Variants in LSM14B observed in about 807,000 individuals in gnomAD.
LSM14B encodes LSM family member 14B.
A neutral mutation model predicts 42.1 loss-of-function variants in LSM14B; 8 were observed. The observed-to-expected ratio is 0.19, with a 90% CI of 0.11 to 0.34. The LOEUF (loss-of-function observed/expected upper bound fraction) is 0.34, where lower values mean the gene tolerates loss of function less well. Among genes scored for constraint, LSM14B ranks in the 10% least tolerant of loss-of-function variants. The pLI is 1.00. For synonymous variants in LSM14B, 219 were observed against 209.7 expected, an observed-to-expected ratio of 1.04 and a Z score of -0.38; for missense variants, 396 against 513.1, an observed-to-expected ratio of 0.77 and a Z score of 2.21.
chr20:62,130,446 G>T lies in LSM14B; in HGVS notation c.674-84G>T, dbSNP rs1600940077. 1.3e-6 allele frequency: 2 copies of T among 1,557,170 alleles called. No homozygotes were observed. Among genetic ancestry groups the T allele is most frequent in the East Asian group, 2.3e-5 (1 of 42,836 alleles). On this transcript the variant is annotated intron_variant, in intron 5 of 8. Coordinates refer to ENST00000279068, the MANE Select transcript of LSM14B (RefSeq NM_144703.3). The surrounding 1 kb of genome is among the most constrained non-coding windows in gnomAD (Gnocchi z 4.1). Reference sequence around the variant, plus strand: ...CTCTGTTCCTTCTGTGGCCTTGGGGGTGTGCCTGGAAATTCCTTGTGAGGT... The same window carrying T: ...CTCTGTTCCTTCTGTGGCCTTGGGGTTGTGCCTGGAAATTCCTTGTGAGGT...
chr20:62,131,239 C>A, intron 6 of LSM14B, 117 bp from the exon 7 acceptor site: 1 of 1,162,986 alleles, frequency 8.6e-7, no homozygotes, highest in Non-Finnish European at 1.2e-6. Context: ...TTGCACAAGG[C>A]ATAGTTGATG....
Position 62,122,770 on chromosome 20 carries a change from A to G in LSM14B, c.104A>G (p.Asn35Ser), listed in dbSNP as rs368859449. 43 of 1,504,886 alleles carry G rather than the reference A, an allele frequency of 2.9e-5. No homozygotes were observed. The highest frequency in any genetic ancestry group is 4.8e-5 in the South Asian group (4 of 83,138). The allele number at this position is 1,504,886 out of a possible 1,614,324, so 93.2% of individuals were successfully genotyped here. A position where few individuals can be genotyped will look rare whatever the true frequency, so the allele number is the denominator to read the frequency against. ...ATTCTCTACACCATCGACACCGACAACTCCACCGTGGCGCTCGCCAAAGGT... is the reference window on the plus strand; with the variant it reads ...ATTCTCTACACCATCGACACCGACAGCTCCACCGTGGCGCTCGCCAAAGGT... ...EGILYTIDTDNSTVALAKVRS... is the reference protein window; with the variant it reads ...EGILYTIDTDSSTVALAKVRS... Residue 35 changes from asparagine to serine, a missense_variant, in exon 1 of 9, where the codon AAC becomes AGC. Physicochemically the swap from Asn to Ser is conservative, Grantham distance 46. Around this residue, in one of 3 missense-constraint regions of LSM14B, gnomAD observed 274 missense variants for 335.8 expected, o/e 0.82. Coordinates refer to ENST00000279068, the MANE Select transcript of LSM14B (RefSeq NM_144703.3). The surrounding 1 kb of genome is among the most constrained non-coding windows in gnomAD (Gnocchi z 4.6).
chr20:62,134,028 TG>T (rs973521406), intron 8 of LSM14B, 134 bp from the exon 9 acceptor site: 1 of 350,262 alleles, frequency 2.9e-6, no homozygotes. Context: ...ATTCTCAGAG[TG>T]GGTTGTGAGA....
At chr20:62,125,016 G>T (rs1455660869) in intron 2 of LSM14B, among the ~76,000 whole-genome samples, 1 of 152,140 alleles carries the variant, frequency 6.6e-6, no homozygotes, top group East Asian at 1.9e-4. Flanking sequence ...GAGTAGCTGG[G>T]ACTACAGGGA....
rs1341877342 is a variant in LSM14B, at chr20:62,134,191, GCT to G, written c.*44_*45del. On this transcript the variant is annotated 3_prime_UTR_variant, in exon 9 of 9. Coordinates refer to ENST00000279068, the MANE Select transcript of LSM14B (RefSeq NM_144703.3). ...CCTACTGAAGTGGCGCATAACTGAC[GCT>G]GTGTGTGTCAGGACGCGAGGAAAAC... The G allele has an allele frequency of 1.3e-5, 6 of 469,832 alleles. No homozygotes were observed. The highest frequency in any genetic ancestry group is 2.6e-5 in the Non-Finnish European group (6 of 226,432). The allele number at this position is 469,832 out of a possible 1,614,324, so 29.1% of individuals were successfully genotyped here.
rs11477488 is a variant in LSM14B at position 62,134,474 on chromosome 20, CTT to C, written c.*341_*342del. ...TGAAAGCTGAATCCTTACTTTGTGA[CTT>C]TTTTTTTTTTTTTTAATGACAAGCT... On this transcript the variant is annotated 3_prime_UTR_variant, in exon 9 of 9. Transcript: ENST00000279068. The C allele has an allele frequency of 0.067, 13,419 of 199,082 alleles. 2 individuals are homozygous for C. The highest frequency in any genetic ancestry group is 0.17 in the South Asian group (3,247 of 19,564). 12.3% of individuals were successfully genotyped at this position (199,082 alleles called of 1,614,324 possible).
In LSM14B at chr20:62,129,914, A is replaced by G. The variant is rs781348223; in HGVS notation, c.557A>G (p.Asn186Ser). The G allele has an allele frequency of 4.3e-6, 7 of 1,613,388 alleles. No individual in the cohort carries two copies. Among genetic ancestry groups the G allele is most frequent in the African/African-American group, 1.3e-5 (1 of 74,908 alleles). Residue 186 changes from asparagine to serine, a missense_variant, in exon 4 of 9, where the codon AAC (asparagine) becomes AGC (serine). By Grantham distance (46) the Asn-to-Ser change is conservative. This residue lies in a region of LSM14B where 274 missense variants were observed against 335.8 expected (regional missense o/e 0.82). Transcript: ENST00000279068. ...PGKGTTGTQLNGRQAQPSSKT... is the reference protein window; with the variant it reads ...PGKGTTGTQLSGRQAQPSSKT... ...AAGGGCACCACAGGGACGCAGCTCAACGGTCGTCAGGCCCAGCCGAGCAGC... is the reference window on the plus strand; with the variant it reads ...AAGGGCACCACAGGGACGCAGCTCAGCGGTCGTCAGGCCCAGCCGAGCAGC...
chr20:62,124,358 CTG>C (rs1209480981), intron 1 of LSM14B, among the ~76,000 whole-genome samples: 3 of 152,266 alleles, frequency 2.0e-5, no homozygotes, highest in Non-Finnish European at 4.4e-5. Context: ...GCACATCAGA[CTG>C]TCAGTCTGTG....
chr20:62,130,645 C>T lies in LSM14B; in HGVS notation c.789C>T (p.Asn263=). The T allele has an allele frequency of 1.2e-6, 2 of 1,613,892 alleles. No homozygotes were observed. The highest frequency in any genetic ancestry group is 1.7e-6 in the Non-Finnish European group (2 of 1,179,858). Residue 263 remains asparagine (N), a synonymous_variant, in exon 6 of 9, where the codon AAC becomes AAT. Coordinates refer to ENST00000279068, the MANE Select transcript of LSM14B (RefSeq NM_144703.3). The surrounding 1 kb of genome is among the most constrained non-coding windows in gnomAD (Gnocchi z 4.1). ...TCGAGAGTGCAAATGCCCAGTTCAACCGAGAGGAGCTTGACAAAGAATTTA... is the reference window on the plus strand; with the variant it reads ...TCGAGAGTGCAAATGCCCAGTTCAATCGAGAGGAGCTTGACAAAGAATTTA... ...FDFESANAQF[N]REELDKEFKK...
At chr20:62,125,284 T>C (rs142711361) in intron 2 of LSM14B, among the ~76,000 whole-genome samples, 5 of 152,370 alleles carry the variant, frequency 3.3e-5, no homozygotes, top group African/African-American at 2.4e-5. Context: ...TGGTGTGTGC[T>C]GTGTCACGTG....
chr20:62,127,688 G>A, intron 3 of LSM14B: 1 of 1,550,208 alleles, frequency 6.5e-7, no homozygotes, highest in Non-Finnish European at 8.7e-7. Context: ...AGCCACAGCA[G>A]CTCACTGCCA....
Position 62,133,467 on chromosome 20 carries a change from C to T in LSM14B, c.*6C>T, listed in dbSNP as rs1223015097. 7.5e-6 allele frequency: 12 copies of T among 1,609,574 alleles called. No homozygotes were observed. Among genetic ancestry groups the T allele is most frequent in the Non-Finnish European group, 1.0e-5 (12 of 1,178,528 alleles). ...CCGGGACTGGCAGGGTGTGAGGGTG[C>T]AGCCAAAGGTGAGTGGATGAACCTT... is the stretch of plus-strand genomic sequence containing the variant. On this transcript the variant is annotated 3_prime_UTR_variant, in exon 8 of 9. Transcript: ENST00000279068.
chr20:62,130,055 C>G lies in LSM14B; in HGVS notation c.595+103C>G. ...TTTTAATTAAAAAAATACTACTCCC[C>G]CATCCTAAGCCCCATGTGCTTTTGC... On this transcript the variant is annotated intron_variant, in intron 4 of 8. Coordinates refer to ENST00000279068, the MANE Select transcript of LSM14B (RefSeq NM_144703.3). This position sits in a 1 kb window ranked among gnomAD's most constrained non-coding sequence, Gnocchi z 4.1. 1 of 1,412,048 alleles carries G rather than the reference C, an allele frequency of 7.1e-7. No homozygotes were observed. The highest frequency in any genetic ancestry group is 9.4e-7 in the Non-Finnish European group (1 of 1,058,228). The allele number at this position is 1,412,048 out of a possible 1,614,324, so 87.5% of individuals were successfully genotyped here.
Position 62,133,595 on chromosome 20 carries a change from T to A in LSM14B, c.*14+120T>A, listed in dbSNP as rs2056828455. 2.1e-5 allele frequency: 25 copies of A among 1,211,248 alleles called. No individual in the cohort carries two copies. The South Asian group carries it at 3.6e-4, about 17-fold the overall frequency. 75.0% of individuals were successfully genotyped at this position (1,211,248 alleles called of 1,614,324 possible). A position where few individuals can be genotyped will look rare whatever the true frequency, so the allele number is the denominator to read the frequency against. The stretch of plus-strand genomic sequence containing the variant: ...CAGGAAGAAGAGAGGCCCAGAGGTG[T>A]CAAAGCCAAACCGAGGGCCTCGACC... On this transcript the variant is annotated intron_variant, in intron 8 of 8. Coordinates refer to ENST00000279068, the MANE Select transcript of LSM14B (RefSeq NM_144703.3).
At chr20:62,126,697 G>A (rs548177464) in intron 3 of LSM14B, among the ~76,000 whole-genome samples, 16 of 152,290 alleles carry the variant, frequency 1.1e-4, no homozygotes, top group Admixed American at 9.2e-4. Flanking sequence ...GAGTCAGGGC[G>A]GATCTAGGTG....
chr20:62,131,412 G>A lies in LSM14B; in HGVS notation c.892G>A (p.Glu298Lys), dbSNP rs754027553. The A allele has an allele frequency of 1.2e-5, 20 of 1,613,272 alleles. No homozygotes were observed. The highest frequency in any genetic ancestry group is 1.7e-5 in the Admixed American group (1 of 59,954). The change falls in exon 7 of 9, where the codon GAA becomes AAA. Residue 298 changes from glutamate to lysine, a missense_variant. By Grantham distance (56) the Glu-to-Lys change is moderately conservative. Coordinates refer to ENST00000279068, the MANE Select transcript of LSM14B (RefSeq NM_144703.3). ...KDLAVVTQSA[E>K]APAEEDLLGP... ...CCTGGCTGTGGTGACCCAGAGTGCC[G>A]AAGCGCCCGCTGAGGAAGACCTTCT...
Position 62,124,606 on chromosome 20 carries a change from C to T in LSM14B, c.128-11C>T, listed in dbSNP as rs1413559346. On this transcript the variant is annotated splice_polypyrimidine_tract_variant and intron_variant, in intron 1 of 8. Transcript: ENST00000279068. ...GGACAACAATAACGCTTCTCTTTCT[C>T]CACTCATAAGTGAGGTCCTTTGGCA... The T allele has an allele frequency of 6.8e-6, 11 of 1,611,946 alleles. No homozygotes were observed. The highest frequency in any genetic ancestry group is 1.3e-5 in the African/African-American group (1 of 75,006).
chr20:62,130,255 A>G lies in LSM14B; in HGVS notation c.632A>G (p.Gln211Arg). 1 of 1,605,228 alleles carries G rather than the reference A, an allele frequency of 6.2e-7. No individual in the cohort carries two copies. The highest frequency in any genetic ancestry group is 8.5e-7 in the Non-Finnish European group (1 of 1,175,808). The change falls in exon 5 of 9, where the codon CAG (glutamine) becomes CGG (arginine). Residue 211 changes from glutamine to arginine, a missense_variant. Gln to Arg is a conservative substitution (Grantham distance 43). Around this residue, in one of 3 missense-constraint regions of LSM14B, gnomAD observed 274 missense variants for 335.8 expected, o/e 0.82. Coordinates refer to ENST00000279068, the MANE Select transcript of LSM14B (RefSeq NM_144703.3). The surrounding 1 kb of genome is among the most constrained non-coding windows in gnomAD (Gnocchi z 4.1). Reference protein sequence around the residue: ...VQPAAVQAQGQVNDENRRPQR... With the variant: ...VQPAAVQAQGRVNDENRRPQR... ...CCGGCAGCTGTGCAAGCTCAAGGGC[A>G]GGTGAATGACGAGAACAGAAGACCT...
chr20:62,125,700 G>A (rs1435413808), intron 2 of LSM14B, among the ~76,000 whole-genome samples: 2 of 152,250 alleles, frequency 1.3e-5, no homozygotes, highest in African/African-American at 4.8e-5. Flanking sequence ...ACCCATCCTG[G>A]AAGGTGGGAT....
Sources: gnomAD v4.1 joint callset for allele counts (sites outside exome capture counted in the v4.1 genomes callset) on GRCh38, gnomAD v4.1.1 for gene constraint, gnomAD v4.1.1 regional missense constraint, Gnocchi (gnomAD v3.1) non-coding constraint, MANE v1.5 for transcripts, NCBI Gene and HGNC (gene_info 2026-07-23, HGNC 2026-07-21) for gene names.